The following RIC1 variants were observed in gnomAD, a reference collection of about 807,000 sequenced individuals.
RIC1 encodes the protein guanine nucleotide exchange factor subunit RIC1.
RIC1 carries 88 observed loss-of-function variants against 169.0 expected under a neutral mutation model. That is an observed-to-expected ratio of 0.52 (90% confidence interval 0.44 to 0.62). The LOEUF (loss-of-function observed/expected upper bound fraction) is 0.62, where lower values mean the gene tolerates loss of function less well. Among genes scored for constraint, RIC1 ranks in the 20% least tolerant of loss-of-function variants. The probability of loss-of-function intolerance (pLI) is 0.00; values close to 1 mark genes in which losing one functional copy is unlikely to be tolerated. For missense variants in RIC1, 1,877 were observed against 1,725.5 expected (o/e 1.09, Z -1.56); for synonymous variants, 790 against 601.5 (o/e 1.31, Z -4.59).
In RIC1 at chr9:5,656,692, T is replaced by C; in HGVS notation, c.252+2T>C. 6.5e-7 allele frequency: 1 copy of C among 1,537,208 alleles called. No individual in the cohort carries two copies. Among genetic ancestry groups the C allele is most frequent in the Non-Finnish European group, 8.9e-7 (1 of 1,118,150 alleles). ...GATAGTACCATGATAGCTGTATCAGTAAGTAGATTTTACCGCTAAATAGTG... is the reference window on the plus strand; with the variant it reads ...GATAGTACCATGATAGCTGTATCAGCAAGTAGATTTTACCGCTAAATAGTG... On this transcript the variant is annotated splice_donor_variant, in intron 2 of 25. Transcript: ENST00000414202. LOFTEE classifies it high-confidence loss of function.
At chr9:5,762,510 A>G (rs781569600) in intron 17 of RIC1, 31 bp from the exon 18 acceptor site, 3 of 1,612,358 alleles carry the variant, frequency 1.9e-6, no homozygotes, top group Non-Finnish European at 2.5e-6. Context: ...ATACAGAAGT[A>G]TGAATTTAGC....
At chr9:5,709,672 G>A (rs1370682652) in intron 3 of RIC1, among the ~76,000 whole-genome samples, 1 of 152,086 alleles carries the variant, frequency 6.6e-6, no homozygotes, top group Non-Finnish European at 1.5e-5. Flanking sequence ...CTCTCTTCCA[G>A]TCATCTGATG....
In RIC1 at chr9:5,713,936, G is replaced by A. The variant is rs1420861200; in HGVS notation, c.373G>A (p.Glu125Lys). ...QMKGTPHFKE[E>K]QCAPALNLEM... ...GAAGGGGACACCCCATTTTAAGGAAGAACAGTGTGCTCCAGCATTAAATTT... is the reference window on the plus strand; with the variant it reads ...GAAGGGGACACCCCATTTTAAGGAAAAACAGTGTGCTCCAGCATTAAATTT... Residue 125 changes from glutamate (E) to lysine (K), a missense_variant, in exon 4 of 26, where the codon GAA (glutamate) becomes AAA (lysine). Physicochemically the swap from Glu to Lys is moderately conservative, Grantham distance 56. Around this residue, in one of 3 missense-constraint regions of RIC1, gnomAD observed 1,104 missense variants for 992.0 expected, o/e 1.11. Transcript: ENST00000414202. 3.1e-6 allele frequency: 5 copies of A among 1,613,244 alleles called. No homozygotes were observed. The East Asian group carries it at 1.1e-4, about 36-fold the overall frequency.
In RIC1 at chr9:5,774,096, A is replaced by C. The variant is rs913175539; in HGVS notation, c.4122A>C (p.Ala1374=). 1.2e-6 allele frequency: 2 copies of C among 1,614,142 alleles called. No individual in the cohort carries two copies. The highest frequency in any genetic ancestry group is 1.7e-6 in the Non-Finnish European group (2 of 1,180,006). The change falls in exon 26 of 26, where the codon GCA becomes GCC. Residue 1374 remains alanine (A), a synonymous_variant. Coordinates refer to ENST00000414202, the MANE Select transcript of RIC1 (RefSeq NM_020829.4). ...GKTPEQTSPR[A]EESRGSSSHG... ...CTCCAGAACAGACTAGCCCCCGGGC[A>C]GAGGAGAGCAGGGGCTCCTCCAGCC...
intron 1 of RIC1, among the ~76,000 whole-genome samples, chr9:5,641,017 C>T (rs534148866): frequency 2.7e-5 from 4 of 150,778 alleles, no homozygotes; most frequent in East Asian, 1.9e-4. Flanking sequence ...TTTCTCTTGC[C>T]GTTTTTAGGA....
intron 2 of RIC1, among the ~76,000 whole-genome samples, chr9:5,668,029 G>A (rs1312810103): frequency 6.6e-6 from 1 of 152,146 alleles, no homozygotes; most frequent in Non-Finnish European, 1.5e-5. Context: ...ACATGGCTGG[G>A]GAGGCCTCAG....
intron 2 of RIC1, among the ~76,000 whole-genome samples, chr9:5,676,261 G>A (rs1292426486): frequency 1.3e-5 from 2 of 152,082 alleles, no homozygotes; most frequent in African/African-American, 4.8e-5. Context: ...ATCAGATTCT[G>A]AAACGTTACT....
In RIC1 at chr9:5,774,941, T is replaced by A. The variant is rs1586742678; in HGVS notation, c.*695T>A. ...TTGCTGTTAGATACCACTAAACTAT[T>A]TTGTATTAAAGAACAGTATCTTTTT... On this transcript the variant is annotated 3_prime_UTR_variant, in exon 26 of 26. Coordinates refer to ENST00000414202, the MANE Select transcript of RIC1 (RefSeq NM_020829.4). The A allele has an allele frequency of 6.6e-6, 1 of 152,208 alleles. No homozygotes were observed. Among genetic ancestry groups the A allele is most frequent in the Non-Finnish European group, 1.5e-5 (1 of 68,040 alleles). The allele number at this position is 152,208 out of a possible 1,614,324, so 9.4% of individuals were successfully genotyped here. A position where few individuals can be genotyped will look rare whatever the true frequency, so the allele number is the denominator to read the frequency against.
chr9:5,694,791 G>A (rs1347881436), intron 3 of RIC1, among the ~76,000 whole-genome samples: 1 of 97,328 alleles, frequency 1.0e-5, no homozygotes, highest in Non-Finnish European at 2.6e-5. Context: ...TTTGGTTTTT[G>A]GTGGCTTTTT....
intron 14 of RIC1, 107 bp from the exon 15 acceptor site, chr9:5,754,734 A>G: frequency 1.5e-6 from 1 of 652,556 alleles, no homozygotes; most frequent in South Asian, 3.0e-5. Context: ...GTCTCAAAAA[A>G]TAATAATAAT....
rs1382044178 is a variant in RIC1 at position 5,696,430 on chromosome 9, ATCTGAGT to A, written c.332+6394_332+6400del. On this transcript the variant is annotated intron_variant, in intron 3 of 25. Coordinates refer to ENST00000414202, the MANE Select transcript of RIC1 (RefSeq NM_020829.4). ...CTATCTTTTTTTATGTAAGAAATTTATCTGAGTTGGTTTTCAAGCTCAGGTCAGACAT... is the reference window on the plus strand; with the variant it reads ...CTATCTTTTTTTATGTAAGAAATTTATGGTTTTCAAGCTCAGGTCAGACAT... Among the ~76,000 whole-genome samples, 3 of 152,206 alleles carry A rather than the reference ATCTGAGT, an allele frequency of 2.0e-5. No homozygotes were observed. In the East Asian group the frequency reaches 5.8e-4, roughly 29 times the overall value.
intron 24 of RIC1, 23 bp from the exon 25 acceptor site, chr9:5,772,869 A>G (rs1827319627): frequency 6.2e-7 from 1 of 1,601,756 alleles, no homozygotes; most frequent in Middle Eastern, 1.7e-4. Flanking sequence ...AGCATAAATC[A>G]TTTTGTTTCT....
chr9:5,668,121 G>A (rs1339236012), intron 2 of RIC1, among the ~76,000 whole-genome samples: 1 of 152,148 alleles, frequency 6.6e-6, no homozygotes, highest in Non-Finnish European at 1.5e-5. Flanking sequence ...AGCAGAGGGA[G>A]AAAAGCCACC....
intron 2 of RIC1, among the ~76,000 whole-genome samples, chr9:5,683,797 G>C (rs1466846344): frequency 6.6e-6 from 1 of 152,216 alleles, no homozygotes; most frequent in Non-Finnish European, 1.5e-5. Context: ...GCTCCACCCA[G>C]TTCAACTTCC....
At chr9:5,640,398 C>T (rs1375509901) in intron 1 of RIC1, among the ~76,000 whole-genome samples, 4 of 152,132 alleles carry the variant, frequency 2.6e-5, no homozygotes, top group African/African-American at 4.8e-5. Flanking sequence ...AACTTCATCC[C>T]TCTACACTTT....
chr9:5,735,511 G>C (rs1824645056), intron 7 of RIC1, among the ~76,000 whole-genome samples: 1 of 152,172 alleles, frequency 6.6e-6, no homozygotes, highest in African/African-American at 2.4e-5. Context: ...TTGGCCTATA[G>C]CTTTTCAGTC....
chr9:5,770,649 T>G (rs1344374458), intron 23 of RIC1, among the ~76,000 whole-genome samples: 1 of 152,234 alleles, frequency 6.6e-6, no homozygotes, highest in Non-Finnish European at 1.5e-5. Context: ...ATTATCATTT[T>G]TATGTTTTTT....
chr9:5,765,435 A>G lies in RIC1; in HGVS notation c.2863A>G (p.Ser955Gly). The G allele has an allele frequency of 6.2e-7, 1 of 1,613,970 alleles. No individual in the cohort carries two copies. The highest frequency in any genetic ancestry group is 8.5e-7 in the Non-Finnish European group (1 of 1,179,914). ...ILQNMEVPAVSRQHATLLFNT... is the reference protein window; with the variant it reads ...ILQNMEVPAVGRQHATLLFNT... ...GTAGAATATGGAAGTCCCTGCAGTA[A>G]GTAGGCAACATGCTACCCTTCTATT... The change falls in exon 20 of 26, where the codon AGT becomes GGT. Residue 955 changes from serine (S) to glycine (G), a missense_variant. This residue lies in a region of RIC1 where 681 missense variants were observed against 582.0 expected (regional missense o/e 1.17). Transcript: ENST00000414202.
chr9:5,740,833 A>G (rs867564286), intron 8 of RIC1, among the ~76,000 whole-genome samples: 14 of 152,222 alleles, frequency 9.2e-5, no homozygotes, highest in Admixed American at 2.6e-4. Context: ...GTATCCTTCA[A>G]TTCAGTCAAG....
Sources: allele counts gnomAD v4.1 joint callset (sites outside exome capture counted in the v4.1 genomes callset), GRCh38; gene constraint gnomAD v4.1.1; regional missense constraint gnomAD v4.1.1; transcripts MANE v1.5; gene names NCBI Gene and HGNC (gene_info 2026-07-23, HGNC 2026-07-21).